The following PRPF6 variants were observed in gnomAD, a reference collection of about 807,000 sequenced individuals.
PRPF6 encodes pre-mRNA processing factor 6.
Under a neutral mutation model 118.3 loss-of-function variants are expected in PRPF6, and 42 were observed. The ratio of observed to expected loss-of-function variants is 0.35; its 90% CI spans 0.28 to 0.46. PRPF6 has a LOEUF of 0.46. PRPF6 is among the 20% of genes least tolerant of loss of function. The pLI is 1.00. For synonymous variants in PRPF6, 481 were observed against 485.1 expected, an observed-to-expected ratio of 0.99 and a Z score of 0.11; for missense variants, 662 against 1,255.7, an observed-to-expected ratio of 0.53 and a Z score of 7.15.
intron 1 of PRPF6, among the ~76,000 whole-genome samples, chr20:63,981,643 T>TC (rs11295538): frequency 0.087 from 10,826 of 124,042 alleles, 648 homozygotes; most frequent in Non-Finnish European, 0.11. Flanking sequence ...GGGCTGACAC[T>TC]CCCCCCCCCC....
chr20:64,028,386 G>A lies in PRPF6; in HGVS notation c.2340-92G>A. 1 of 1,304,738 alleles carries A rather than the reference G, an allele frequency of 7.7e-7. No homozygotes were observed. The highest frequency in any genetic ancestry group is 1.1e-6 in the Non-Finnish European group (1 of 902,236). The allele number at this position is 1,304,738 out of a possible 1,614,324, so 80.8% of individuals were successfully genotyped here. A position where few individuals can be genotyped will look rare whatever the true frequency, so the allele number is the denominator to read the frequency against. ...GGAGTTTTTGCTGCTGTGACTGGGT[G>A]GAGAGCCCTTTCAGACAAGGCTTCC... On this transcript the variant is annotated intron_variant, in intron 17 of 20. Transcript: ENST00000266079. This position sits in a 1 kb window ranked among gnomAD's most constrained non-coding sequence, Gnocchi z 6.5.
At chr20:63,996,024 C>CT in intron 6 of PRPF6, among the ~76,000 whole-genome samples, 1 of 152,132 alleles carries the variant, frequency 6.6e-6, no homozygotes, top group East Asian at 1.9e-4. Flanking sequence ...AGTAAATTGT[C>CT]TTGTGGCCCT....
chr20:63,996,575 A>T (rs1234808414), intron 6 of PRPF6, among the ~76,000 whole-genome samples: 1 of 152,172 alleles, frequency 6.6e-6, no homozygotes, highest in Admixed American at 6.6e-5. Flanking sequence ...CTGGCCTCAC[A>T]AAGTGCTGGG....
intron 19 of PRPF6, among the ~76,000 whole-genome samples, chr20:64,031,211 A>G (rs528308276): frequency 1.3e-5 from 2 of 152,324 alleles, no homozygotes; most frequent in African/African-American, 4.8e-5. Flanking sequence ...TTGCTGCTGG[A>G]GGCCGGGTGG....
Position 64,001,066 on chromosome 20 carries a change from T to C in PRPF6, c.1024-11T>C, listed in dbSNP as rs770778872. ...CACTGAGCCTTATTGGTCTTATCTC[T>C]TGCCTCACAGAGTGAAGATGTCTGG... On this transcript the variant is annotated splice_polypyrimidine_tract_variant and intron_variant, in intron 8 of 20. Transcript: ENST00000266079. 1 of 1,613,824 alleles carries C rather than the reference T, an allele frequency of 6.2e-7. No individual in the cohort carries two copies. The highest frequency in any genetic ancestry group is 1.1e-5 in the South Asian group (1 of 91,080).
At position 64,027,705 on chromosome 20, in the gene PRPF6, C is replaced by T. The variant is rs1297870965; in HGVS notation, c.2308C>T (p.Arg770Cys). The T allele has an allele frequency of 1.9e-6, 3 of 1,613,914 alleles. No individual in the cohort carries two copies. Among genetic ancestry groups the T allele is most frequent in the Non-Finnish European group, 1.7e-6 (2 of 1,180,038 alleles). The change falls in exon 17 of 21, where the codon CGT (arginine) becomes TGT (cysteine). Residue 770 changes from arginine (R) to cysteine (C), a missense_variant. Arg to Cys is a radical substitution (Grantham distance 180, BLOSUM62 -3). Transcript: ENST00000266079. This position sits in a 1 kb window ranked among gnomAD's most constrained non-coding sequence, Gnocchi z 6.5. ...AGCACGGGCCATTTTGGAAAAGTCT[C>T]GTCTGAAGAACCCAAAGAACCCTGG... is the stretch of plus-strand genomic sequence containing the variant. ...TRARAILEKS[R>C]LKNPKNPGLW...
intron 3 of PRPF6, among the ~76,000 whole-genome samples, chr20:63,986,060 G>A (rs567873526): frequency 6.6e-6 from 1 of 152,142 alleles, no homozygotes; most frequent in South Asian, 2.1e-4. Context: ...TCGGCTGGGC[G>A]CAGTGGATCA....
intron 3 of PRPF6, among the ~76,000 whole-genome samples, chr20:63,986,430 T>C (rs940749561): frequency 1.5e-4 from 23 of 150,958 alleles, no homozygotes; most frequent in African/African-American, 5.3e-4. Flanking sequence ...GTTCAACATA[T>C]GCAAATTAAT....
At chr20:63,999,217 A>G in intron 7 of PRPF6, 78 bp downstream of exon 7, 1 of 1,199,286 alleles carries the variant, frequency 8.3e-7, no homozygotes, top group Non-Finnish European at 1.2e-6. Flanking sequence ...TATGGACAGT[A>G]TGCTGTCAAA....
chr20:64,025,708 C>A (rs1403037624), intron 14 of PRPF6, among the ~76,000 whole-genome samples: 1 of 152,256 alleles, frequency 6.6e-6, no homozygotes, highest in Non-Finnish European at 1.5e-5. Context: ...AGCCTCTTCA[C>A]TGTCCTCACT....
At position 64,029,120 on chromosome 20, in the gene PRPF6, T is replaced by C. The variant is rs557390911; in HGVS notation, c.2432-257T>C. On this transcript the variant is annotated intron_variant, in intron 18 of 20. Coordinates refer to ENST00000266079, the MANE Select transcript of PRPF6 (RefSeq NM_012469.4). The surrounding 1 kb of genome is among the most constrained non-coding windows in gnomAD (Gnocchi z 4.8). The stretch of plus-strand genomic sequence containing the variant: ...AGTGGGAGGTTGCAGTGAGCTGAGA[T>C]TGCGCCATTGCACTCCACCCTGAAT... Among the ~76,000 whole-genome samples the C allele has an allele frequency of 2.3e-4, 35 of 152,236 alleles. 2 individuals carry two copies. The Middle Eastern group carries it at 0.01, about 44-fold the overall frequency.
At chr20:64,008,991 T>C (rs1273977100) in intron 9 of PRPF6, among the ~76,000 whole-genome samples, 1 of 152,106 alleles carries the variant, frequency 6.6e-6, no homozygotes, top group Non-Finnish European at 1.5e-5. Context: ...CATGTAATAA[T>C]GAGGTATTTT....
intron 9 of PRPF6, among the ~76,000 whole-genome samples, chr20:64,006,786 T>C (rs1403635763): frequency 1.3e-5 from 2 of 152,236 alleles, no homozygotes; most frequent in Non-Finnish European, 2.9e-5. Flanking sequence ...GATTGGTGTC[T>C]ATTCACAGCA....
intron 19 of PRPF6, 46 bp from the exon 20 acceptor site, chr20:64,031,872 G>A (rs781456269): frequency 6.2e-6 from 10 of 1,613,374 alleles, no homozygotes; most frequent in Middle Eastern, 1.6e-4. Flanking sequence ...CCAGAATACC[G>A]TCCTGCAGCC....
In PRPF6 at chr20:64,031,800, A is replaced by AG; in HGVS notation, c.2547-114dup. On this transcript the variant is annotated intron_variant, in intron 19 of 20. Coordinates refer to ENST00000266079, the MANE Select transcript of PRPF6 (RefSeq NM_012469.4). Reference sequence around the variant, plus strand: ...AGGCCCTGATCCTCAGGCCTTCTTGAGGGGAGCACCAGGGCTGCGGGTCAG... The same window carrying AG: ...AGGCCCTGATCCTCAGGCCTTCTTGAGGGGGAGCACCAGGGCTGCGGGTCAG... The AG allele has an allele frequency of 3.6e-6, 5 of 1,398,602 alleles. No individual in the cohort carries two copies. The South Asian group carries it at 5.8e-5, about 16-fold the overall frequency. 86.6% of individuals were successfully genotyped at this position (1,398,602 alleles called of 1,614,324 possible). A position where few individuals can be genotyped will look rare whatever the true frequency, so the allele number is the denominator to read the frequency against.
chr20:63,982,949 T>G (rs1569209693), intron 1 of PRPF6, 98 bp from the exon 2 acceptor site: 5 of 1,395,382 alleles, frequency 3.6e-6, no homozygotes, highest in Non-Finnish European at 5.0e-6. Context: ...TTCCCAAAGG[T>G]GTTAGAAAAA....
In PRPF6 at chr20:64,026,265, G is replaced by A. The variant is rs1219008275; in HGVS notation, c.2028+207G>A. ...CTCACGCCTGTAATCTCAGCACTTT[G>A]GGAGGCCAAGGCGGACAGATCACCT... On this transcript the variant is annotated intron_variant, in intron 15 of 20. Coordinates refer to ENST00000266079, the MANE Select transcript of PRPF6 (RefSeq NM_012469.4). This position sits in a 1 kb window ranked among gnomAD's most constrained non-coding sequence, Gnocchi z 4.4. 3.3e-5 allele frequency among the ~76,000 whole-genome samples: 5 copies of A among 152,100 alleles called. No individual in the cohort carries two copies. The highest frequency in any genetic ancestry group is 6.5e-5 in the Admixed American group (1 of 15,276).
intron 3 of PRPF6, among the ~76,000 whole-genome samples, chr20:63,987,915 G>T (rs2059101873): frequency 6.6e-6 from 1 of 152,132 alleles, no homozygotes; most frequent in Admixed American, 6.5e-5. Flanking sequence ...GGGCACGGTG[G>T]CTCACGCCTG....
chr20:64,027,589 C>A lies in PRPF6; in HGVS notation c.2206-14C>A, dbSNP rs368005588. On this transcript the variant is annotated splice_polypyrimidine_tract_variant and intron_variant, in intron 16 of 20. Transcript: ENST00000266079. The surrounding 1 kb of genome is among the most constrained non-coding windows in gnomAD (Gnocchi z 6.5). ...AGACACCACCTGAGCTGCTCTCTTA[C>A]TTGTTGGTTGCAGTTGAAGAAGTGT... The A allele has an allele frequency of 6.2e-7, 1 of 1,613,994 alleles. No individual in the cohort carries two copies. Among genetic ancestry groups the A allele is most frequent in the African/African-American group, 1.3e-5 (1 of 74,942 alleles).
Sources: gnomAD v4.1 joint callset for allele counts (sites outside exome capture counted in the v4.1 genomes callset) on GRCh38, gnomAD v4.1.1 for gene constraint, Gnocchi (gnomAD v3.1) non-coding constraint, MANE v1.5 for transcripts, NCBI Gene and HGNC (gene_info 2026-07-23, HGNC 2026-07-21) for gene names.